PDE1C: variants seen among roughly 807,000 people sequenced by gnomAD.
PDE1C encodes phosphodiesterase 1C.
Under a neutral mutation model 93.1 loss-of-function variants are expected in PDE1C, and 62 were observed. The observed-to-expected ratio is 0.67, with a 90% confidence interval of 0.54 to 0.82. PDE1C has a LOEUF of 0.82. Ranked by LOEUF, PDE1C falls within the 40% of genes least tolerant of loss-of-function variation. PDE1C has a pLI of 0.00. For synonymous variants in PDE1C, 325 were observed against 310.1 expected, an observed-to-expected ratio of 1.05 and a Z score of -0.50; for missense variants, 742 against 884.6, an observed-to-expected ratio of 0.84 and a Z score of 2.04.
At chr7:32,322,877 G>C (rs1444160821) in intron 1 of PDE1C, among the ~76,000 whole-genome samples, 1 of 152,070 alleles carries the variant, frequency 6.6e-6, no homozygotes, top group African/African-American at 2.4e-5. Context: ...CTCCCAAAGT[G>C]CTGGGATTAC....
chr7:32,328,803 G>A (rs989920246), intron 1 of PDE1C, among the ~76,000 whole-genome samples: 19 of 152,148 alleles, frequency 1.2e-4, no homozygotes, highest in Non-Finnish European at 2.8e-4. Context: ...TTCTTTATTC[G>A]CTTGTTCATG....
At position 31,880,019 on chromosome 7, in the gene PDE1C, A is replaced by G. The variant is rs146076316; in HGVS notation, c.242+728T>C. ...CCTTAAATTAGAAACCAAGTGTGTC[A>G]GCAAAATAATAATAATAGTAAACCA... is the stretch of plus-strand genomic sequence containing the variant. On this transcript the variant is annotated intron_variant, in intron 3 of 17. Coordinates refer to ENST00000396191, the MANE Select transcript of PDE1C (RefSeq NM_001191057.4). Among the ~76,000 whole-genome samples, 607 of 152,268 alleles carry G rather than the reference A, an allele frequency of 4.0e-3. 3 individuals are homozygous for G. The highest frequency in any genetic ancestry group is 0.014 in the African/African-American group (569 of 41,548).
chr7:31,772,976 G>A (rs559643478), intron 17 of PDE1C, among the ~76,000 whole-genome samples: 11 of 152,318 alleles, frequency 7.2e-5, no homozygotes, highest in African/African-American at 2.6e-4. Context: ...ATGCTCCTGA[G>A]GCAGGAAGGG....
At chr7:31,831,087 G>A (rs1790322854) in intron 11 of PDE1C, among the ~76,000 whole-genome samples, 1 of 152,144 alleles carries the variant, frequency 6.6e-6, no homozygotes, top group African/African-American at 2.4e-5. Flanking sequence ...TATCTCAAGT[G>A]AGTCTTTTCA....
At chr7:32,017,543 T>C (rs1788071292) in intron 2 of PDE1C, among the ~76,000 whole-genome samples, 1 of 151,840 alleles carries the variant, frequency 6.6e-6, no homozygotes, top group Non-Finnish European at 1.5e-5. Context: ...AATGATACCA[T>C]CAAGAAAGTA....
At chr7:32,358,219 C>T (rs1332891588) in intron 1 of PDE1C, among the ~76,000 whole-genome samples, 13 of 152,324 alleles carry the variant, frequency 8.5e-5, no homozygotes, top group Middle Eastern at 3.4e-3. Context: ...CAAGACTTTG[C>T]CCATGCCCTC....
chr7:32,256,234 G>GT (rs933044007), intron 1 of PDE1C, among the ~76,000 whole-genome samples: 1 of 152,216 alleles, frequency 6.6e-6, no homozygotes, highest in African/African-American at 2.4e-5. Context: ...TCTCCCAGAA[G>GT]TTTTTTCTGA....
intron 2 of PDE1C, chr7:31,893,372 G>A: frequency 2.2e-6 from 1 of 463,922 alleles, no homozygotes. Context: ...GTCGTTTGTG[G>A]TCAGCTCCAG....
chr7:32,070,502 C>T, upstream of PDE1C: 1 of 1,549,140 alleles, frequency 6.5e-7, no homozygotes, highest in Non-Finnish European at 8.7e-7. Flanking sequence ...GCGCGTTTGC[C>T]CGGCACTTTC....
chr7:31,831,504 A>G lies in PDE1C; in HGVS notation c.1204-3131T>C, dbSNP rs1208262128. Among the ~76,000 whole-genome samples the G allele has an allele frequency of 2.7e-4, 39 of 143,406 alleles. 1 individual carries two copies. The highest frequency in any genetic ancestry group is 6.7e-4 in the South Asian group (3 of 4,480). The allele number at this position is 143,406 out of a possible 152,430, so 94.1% of individuals were successfully genotyped here. ...CACACACACACACATGCACGCACAC[A>G]CACACACACACACACGCACATACAC... On this transcript the variant is annotated intron_variant, in intron 11 of 17. Coordinates refer to ENST00000396191, the MANE Select transcript of PDE1C (RefSeq NM_001191057.4).
the PDE1C span, among the ~76,000 whole-genome samples, chr7:31,657,693 T>C: frequency 6.6e-6 from 1 of 152,172 alleles, no homozygotes; most frequent in Non-Finnish European, 1.5e-5. Context: ...TTTTTTGTTT[T>C]ATGCATTGAC....
At chr7:31,877,169 G>C (rs1350448013) in intron 5 of PDE1C, among the ~76,000 whole-genome samples, 1 of 152,190 alleles carries the variant, frequency 6.6e-6, no homozygotes, top group Non-Finnish European at 1.5e-5. Flanking sequence ...CAAACTCAGT[G>C]ATCTTGGGCT....
chr7:32,239,127 T>TG (rs1808358443), intron 1 of PDE1C, among the ~76,000 whole-genome samples: 1 of 152,116 alleles, frequency 6.6e-6, no homozygotes, highest in Non-Finnish European at 1.5e-5. Flanking sequence ...AACATAAGGC[T>TG]GAGGTGGAAG....
chr7:31,899,132 C>CTTTTTTTT (rs386409838), intron 2 of PDE1C, among the ~76,000 whole-genome samples: 6 of 85,016 alleles, frequency 7.1e-5, no homozygotes, highest in Admixed American at 1.6e-4. Flanking sequence ...GGCAGTCCCA[C>CTTTTTTTT]TTTTTTTTTT....
intron 2 of PDE1C, among the ~76,000 whole-genome samples, chr7:31,887,062 AG>A (rs1798043698): frequency 1.3e-5 from 2 of 152,190 alleles, no homozygotes; most frequent in Non-Finnish European, 2.9e-5. Context: ...AGCTGAGTAG[AG>A]GAGCACACAT....
intron 1 of PDE1C, among the ~76,000 whole-genome samples, chr7:32,265,413 A>C (rs1018211002): frequency 1.3e-5 from 2 of 152,176 alleles, no homozygotes; most frequent in African/African-American, 2.4e-5. Context: ...TGTGTCATAG[A>C]CTTAAAGCTG....
intron 15 of PDE1C, among the ~76,000 whole-genome samples, chr7:31,812,006 C>T (rs1787613326): frequency 6.6e-6 from 1 of 152,102 alleles, no homozygotes; most frequent in African/African-American, 2.4e-5. Context: ...AGTAATTTCC[C>T]ATGGGTTGTA....
intron 4 of PDE1C, among the ~76,000 whole-genome samples, chr7:31,878,610 C>T (rs563688518): frequency 6.6e-6 from 1 of 152,218 alleles, no homozygotes; most frequent in Non-Finnish European, 1.5e-5. Flanking sequence ...GTCTTGGGGA[C>T]TTCAAACCAC....
chr7:32,399,698 T>G (rs1784907289), intron 1 of PDE1C, among the ~76,000 whole-genome samples: 1 of 150,222 alleles, frequency 6.7e-6, no homozygotes, highest in Non-Finnish European at 1.5e-5. Context: ...TTCTCATGCC[T>G]CAGCCTCCCA....
Sources: allele counts gnomAD v4.1 joint callset (sites outside exome capture counted in the v4.1 genomes callset), GRCh38; gene constraint gnomAD v4.1.1; transcripts MANE v1.5; gene names NCBI Gene and HGNC (gene_info 2026-07-23, HGNC 2026-07-21).